The following NUP62CL variants were observed in gnomAD, a reference collection of about 807,000 sequenced individuals.
NUP62CL encodes the protein nucleoporin 62 C-terminal like, also known as nucleoporin-62 C-terminal-like protein.
A neutral mutation model predicts 15.3 loss-of-function variants in NUP62CL; 13 were observed. The ratio of observed to expected loss-of-function variants is 0.85; its 90% CI spans 0.55 to 1.35. The LOEUF is 1.35. Among genes scored for constraint, NUP62CL ranks in the 40% most tolerant of loss-of-function variants. NUP62CL has a pLI of 0.00. For synonymous variants in NUP62CL, 54 were observed against 49.2 expected (o/e 1.10, Z -0.41); for missense variants, 123 against 130.6 (o/e 0.94, Z 0.28).
At chrX:107,183,000 C>G (rs1926954275) in intron 2 of NUP62CL, among the ~76,000 whole-genome samples, 1 of 111,067 alleles carries the variant, frequency 9.0e-6, no homozygotes, top group African/African-American at 3.3e-5. Context: ...GAGTTCAAGA[C>G]CACCCTGGGC....
chrX:107,157,058 C>T (rs1349211564), intron 4 of NUP62CL, among the ~76,000 whole-genome samples: 5 of 102,554 alleles, frequency 4.9e-5, no homozygotes, highest in East Asian at 3.1e-4. Context: ...TGAAATGAAG[C>T]GAGAAGGGAA....
At chrX:107,150,724 C>G (rs755636149) in intron 7 of NUP62CL, 1 of 262,200 alleles carries the variant, frequency 3.8e-6, no homozygotes, top group Admixed American at 4.6e-5. Context: ...GTCTCAAACT[C>G]TTGGCCTAAA....
At chrX:107,185,196 CAAAAAAAAAAA>C (rs3072235) in intron 2 of NUP62CL, among the ~76,000 whole-genome samples, 1 of 20,983 alleles carries the variant, frequency 4.8e-5, no homozygotes, top group Non-Finnish European at 9.5e-5. Context: ...GACTCCGTCT[CAAAAAAAAAAA>C]AAAAAAAAAA....
chrX:107,136,481 C>A (rs769043117), intron 8 of NUP62CL, among the ~76,000 whole-genome samples: 1 of 111,829 alleles, frequency 8.9e-6, no homozygotes, highest in African/African-American at 3.2e-5. Flanking sequence ...CTGGAAAATT[C>A]TACCAAGCAC....
At chrX:107,171,803 G>A (rs1926657553) in intron 3 of NUP62CL, among the ~76,000 whole-genome samples, 1 of 110,726 alleles carries the variant, frequency 9.0e-6, no homozygotes, top group African/African-American at 3.3e-5. Flanking sequence ...TAAGGGCTGG[G>A]TATGACAGCA....
intron 8 of NUP62CL, among the ~76,000 whole-genome samples, chrX:107,144,974 CA>C (rs748365349): frequency 3.6e-5 from 4 of 111,459 alleles, no homozygotes; most frequent in African/African-American, 1.3e-4. Flanking sequence ...GATACAGACT[CA>C]GAGAGATTAA....
chrX:107,129,047 T>G (rs1925451887), intron 8 of NUP62CL, among the ~76,000 whole-genome samples: 1 of 111,601 alleles, frequency 9.0e-6, no homozygotes, highest in Non-Finnish European at 1.9e-5. Flanking sequence ...AGCACATGCA[T>G]TTACCACTGC....
At position 107,145,522 on chromosome X, in the gene NUP62CL, T is replaced by C. The variant is rs760381658; in HGVS notation, c.*42+2221A>G. 2.7e-5 allele frequency among the ~76,000 whole-genome samples: 3 copies of C among 111,436 alleles called. No individual in the cohort carries two copies. The East Asian group carries it at 8.4e-4, about 31-fold the overall frequency. On this transcript the variant is annotated intron_variant, in intron 8 of 8. Coordinates refer to ENST00000372466, the MANE Select transcript of NUP62CL (RefSeq NM_017681.3). The stretch of plus-strand genomic sequence containing the variant: ...CCCACTGTTAACATTTTGCCACAAA[T>C]TGCTAAATCTTCCTCTTTGCAAATT...
intron 1 of NUP62CL, among the ~76,000 whole-genome samples, chrX:107,194,838 A>G (rs1164165141): frequency 2.4e-5 from 1 of 42,115 alleles, no homozygotes; most frequent in African/African-American, 9.0e-5. Context: ...TTTTTTTTTG[A>G]GACGGTCTCC....
rs375808827 is a variant in NUP62CL at position 107,156,742 on chromosome X, C to T, written c.195-2496G>A. Among the ~76,000 whole-genome samples, 929 of 103,317 alleles carry T rather than the reference C, an allele frequency of 9.0e-3. 10 individuals carry two copies. Among genetic ancestry groups the T allele is most frequent in the South Asian group, 0.084 (176 of 2,084 alleles). The allele number at this position is 103,317 out of a possible 115,157, so 89.7% of individuals were successfully genotyped here. A position where few individuals can be genotyped will look rare whatever the true frequency, so the allele number is the denominator to read the frequency against. On this transcript the variant is annotated intron_variant, in intron 4 of 8. Coordinates refer to ENST00000372466, the MANE Select transcript of NUP62CL (RefSeq NM_017681.3). ...GAGCGCCTCTCCTCCTCCAAAGGAACGCAGTTCCTCACCAGCAACGGAACA... is the reference window on the plus strand; with the variant it reads ...GAGCGCCTCTCCTCCTCCAAAGGAATGCAGTTCCTCACCAGCAACGGAACA...
chrX:107,134,860 A>G (rs1309122950), intron 8 of NUP62CL, among the ~76,000 whole-genome samples: 1 of 111,092 alleles, frequency 9.0e-6, no homozygotes, highest in Non-Finnish European at 1.9e-5. Context: ...TCTATATCCC[A>G]ATGTCTACAT....
At position 107,167,710 on chromosome X, in the gene NUP62CL, TCA is replaced by T; in HGVS notation, c.131_132del (p.Val44GlufsTer11). On this transcript the variant is annotated frameshift_variant, in exon 4 of 9. Coordinates refer to ENST00000372466, the MANE Select transcript of NUP62CL (RefSeq NM_017681.3). LOFTEE classifies it high-confidence loss of function. ...TTTTITSGFTVNQNQLLSRGF... is the reference protein window; with the variant it reads ...TTTTITSGFTXNQNQLLSRGF... ...CCTCTTGATAACAGTTGGTTTTGGT[TCA>T]CAGTAAAGCCACTGGTGATTGTGGT... is the stretch of plus-strand genomic sequence containing the variant. 1 of 1,209,822 alleles carries T rather than the reference TCA, an allele frequency of 8.3e-7. No homozygotes were observed. The highest frequency in any genetic ancestry group is 2.3e-4 in the Middle Eastern group (1 of 4,350).
chrX:107,134,643 G>A (rs1385408871), intron 8 of NUP62CL, among the ~76,000 whole-genome samples: 1 of 109,241 alleles, frequency 9.2e-6, no homozygotes, highest in African/African-American at 3.3e-5. Flanking sequence ...TTGTAGAGAC[G>A]GGGTTTTGTC....
chrX:107,148,461 T>C (rs1233714458), intron 7 of NUP62CL, among the ~76,000 whole-genome samples: 1 of 111,551 alleles, frequency 9.0e-6, no homozygotes, highest in Non-Finnish European at 1.9e-5. Context: ...TCAACCCTGA[T>C]GAAACATTAT....
intron 4 of NUP62CL, among the ~76,000 whole-genome samples, chrX:107,165,199 C>T (rs1240279667): frequency 7.3e-5 from 8 of 109,106 alleles, no homozygotes; most frequent in Non-Finnish European, 1.1e-4. Flanking sequence ...CTCAGGAGGC[C>T]TCGGCTGAGG....
chrX:107,131,932 A>G, intron 8 of NUP62CL: 1 of 1,023,461 alleles, frequency 9.8e-7, no homozygotes, highest in East Asian at 3.0e-5. Context: ...TCATACAATG[A>G]AGAAGCTCAG....
At chrX:107,151,224 G>A (rs1355803607) in intron 7 of NUP62CL, among the ~76,000 whole-genome samples, 4 of 111,091 alleles carry the variant, frequency 3.6e-5, no homozygotes, top group African/African-American at 1.3e-4. Context: ...TTATCCTCTA[G>A]GTGAATACCC....
intron 3 of NUP62CL, among the ~76,000 whole-genome samples, chrX:107,172,161 TA>T (rs756508608): frequency 0.038 from 2,928 of 76,396 alleles, 138 homozygotes; most frequent in African/African-American, 0.12. Flanking sequence ...TCATCTCTAC[TA>T]AAAAAAAAAA....
chrX:107,153,680 C>A (rs747245132), intron 5 of NUP62CL, among the ~76,000 whole-genome samples, 177 bp from the exon 6 acceptor site: 1 of 112,220 alleles, frequency 8.9e-6, no homozygotes, highest in Non-Finnish European at 1.9e-5. Flanking sequence ...AGAAAATTAA[C>A]CACAGGGCTG....
Sources: gnomAD v4.1 joint callset for allele counts (sites outside exome capture counted in the v4.1 genomes callset) on GRCh38, gnomAD v4.1.1 for gene constraint, MANE v1.5 for transcripts, NCBI Gene and HGNC (gene_info 2026-07-23, HGNC 2026-07-21) for gene names.